MEFV: variants seen among roughly 807,000 people sequenced by gnomAD.
MEFV encodes the protein MEFV innate immunity regulator, pyrin.
MEFV carries 60 observed loss-of-function variants against 62.5 expected under a neutral mutation model. That is an observed-to-expected ratio of 0.96 (90% confidence interval 0.78 to 1.19). The LOEUF (loss-of-function observed/expected upper bound fraction) is 1.19. Ranked by LOEUF, MEFV falls within the 50% of genes most tolerant of loss-of-function variation. MEFV has a pLI of 0.00. For synonymous variants in MEFV, 500 were observed against 415.2 expected (o/e 1.20, Z -2.48); for missense variants, 1,169 against 1,004.5 (o/e 1.16, Z -2.21).
In MEFV at chr16:3,254,280, A is replaced by G; in HGVS notation, c.788T>C (p.Leu263Pro). ...APANPEILLT[L>P]EEKTAANLDS... ...CAGATTCGCAGCTGTCTTTTCCTCT[A>G]GAGTCAGGAGAATTTCTGGATTTGC... The change falls in exon 2 of 10, where the codon CTA (leucine) becomes CCA (proline). Residue 263 changes from leucine (L) to proline (P), a missense_variant. By Grantham distance (98) the Leu-to-Pro change is moderately conservative (BLOSUM62 -3). Transcript: ENST00000219596. The G allele has an allele frequency of 6.2e-7, 1 of 1,614,186 alleles. No individual in the cohort carries two copies. The highest frequency in any genetic ancestry group is 8.5e-7 in the Non-Finnish European group (1 of 1,180,032).
chr16:3,255,416 T>G (rs1959102833), intron 1 of MEFV, among the ~76,000 whole-genome samples: 1 of 152,130 alleles, frequency 6.6e-6, no homozygotes, highest in Non-Finnish European at 1.5e-5. Flanking sequence ...TCTCTCTTAT[T>G]TTATTTTTTG....
At chr16:3,244,154 G>GTTT in intron 8 of MEFV, 100 bp downstream of exon 8, 1 of 1,458,954 alleles carries the variant, frequency 6.9e-7, no homozygotes, top group Admixed American at 2.0e-5. Context: ...CAGGTGTTTG[G>GTTT]TTTTTTTTTT....
At chr16:3,245,276 G>A (rs1958923468) in intron 6 of MEFV, among the ~76,000 whole-genome samples, 1 of 148,564 alleles carries the variant, frequency 6.7e-6, no homozygotes, top group Non-Finnish European at 1.5e-5. Flanking sequence ...TGATGGGAGT[G>A]AGACCTTGTC....
In MEFV at chr16:3,243,150, C is replaced by T. The variant is rs104895153; in HGVS notation, c.2337G>A (p.Gly779=). The T allele has an allele frequency of 1.2e-6, 2 of 1,613,340 alleles. No individual in the cohort carries two copies. The highest frequency in any genetic ancestry group is 1.1e-5 in the South Asian group (1 of 91,050). The change falls in exon 10 of 10, where the codon GGG becomes GGA. Residue 779 remains glycine (G), a synonymous_variant. Transcript: ENST00000219596. ...ATGCAGTGTTGGGCATTCAGTCAGG[C>T]CCCTGACCACCCACTGGACAGATAG... ...PLTICPVGGQ[G]PD is the part of the protein sequence containing the mutation.
At chr16:3,255,334 A>G (rs1959101463) in intron 1 of MEFV, among the ~76,000 whole-genome samples, 2 of 152,102 alleles carry the variant, frequency 1.3e-5, no homozygotes, top group Admixed American at 1.3e-4. Context: ...AAAGTTCAGG[A>G]CTTCCTAGAC....
chr16:3,256,053 G>A lies in MEFV; in HGVS notation c.277+258C>T, dbSNP rs1470241154. On this transcript the variant is annotated intron_variant, in intron 1 of 9. Transcript: ENST00000219596. ...TGTAGTGAAGAAGTCTCAAAGAACA[G>A]GTGTTCCAGCTCCTGCCTTTCGTGA... Among the ~76,000 whole-genome samples, 4 of 152,290 alleles carry A rather than the reference G, an allele frequency of 2.6e-5. No individual in the cohort carries two copies. In the East Asian group the frequency reaches 7.7e-4, roughly 29 times the overall value.
chr16:3,249,575 C>G lies in MEFV; in HGVS notation c.1116G>C (p.Leu372=). 1 of 1,614,230 alleles carries G rather than the reference C, an allele frequency of 6.2e-7. No homozygotes were observed. Among genetic ancestry groups the G allele is most frequent in the Non-Finnish European group, 8.5e-7 (1 of 1,180,036 alleles). The change falls in exon 3 of 10, where the codon CTG becomes CTC. Residue 372 remains leucine (L), a synonymous_variant. Transcript: ENST00000219596. ...KSPGSLSPQP[L]PQCKRHLKQV... ...GCTTCAGGTGGCGCTTACACTGTGGCAGGGGCTGGGGGCTTAGGCTTCCCG... is the reference window on the plus strand; with the variant it reads ...GCTTCAGGTGGCGCTTACACTGTGGGAGGGGCTGGGGGCTTAGGCTTCCCG...
At chr16:3,251,324 C>A (rs1301319490) in intron 2 of MEFV, among the ~76,000 whole-genome samples, 2 of 152,164 alleles carry the variant, frequency 1.3e-5, no homozygotes. Context: ...TCACAAGCAG[C>A]TTCTAGAAAC....
At chr16:3,244,320 G>T (rs1167224209) in intron 7 of MEFV, 34 bp from the exon 8 acceptor site, 1 of 1,613,862 alleles carries the variant, frequency 6.2e-7, no homozygotes, top group Non-Finnish European at 8.5e-7. Context: ...AGAGAAGCTG[G>T]AGTTAGGTCC....
At position 3,256,426 on chromosome 16, in the gene MEFV, G is replaced by A. The variant is rs2141679534; in HGVS notation, c.162C>T (p.Ala54=). ...CCCCATAGTAGGTGACCAGCAGAGTGGCCATCTTCACCGGCCTGGCTCTCT... is the reference window on the plus strand; with the variant it reads ...CCCCATAGTAGGTGACCAGCAGAGTAGCCATCTTCACCGGCCTGGCTCTCT... ...QIQRARPVKM[A]TLLVTYYGEE... The change falls in exon 1 of 10, where the codon GCC becomes GCT. Residue 54 remains alanine (A), a synonymous_variant. Transcript: ENST00000219596. 1 of 1,614,186 alleles carries A rather than the reference G, an allele frequency of 6.2e-7. No individual in the cohort carries two copies.
chr16:3,251,620 GA>G (rs1959034009), intron 2 of MEFV, among the ~76,000 whole-genome samples: 4 of 152,178 alleles, frequency 2.6e-5, no homozygotes, highest in African/African-American at 9.7e-5. Flanking sequence ...AGATAGTTAG[GA>G]CTTTAGCCAA....
intron 6 of MEFV, 129 bp downstream of exon 6, chr16:3,246,396 A>T: frequency 1.9e-6 from 2 of 1,063,810 alleles, no homozygotes; most frequent in Non-Finnish European, 2.8e-6. Context: ...AAGCTGCAGA[A>T]AAAAGGAGGA....
chr16:3,254,359 T>C lies in MEFV; in HGVS notation c.709A>G (p.Lys237Glu), dbSNP rs756561346. 6.2e-7 allele frequency: 1 copy of C among 1,614,216 alleles called. No individual in the cohort carries two copies. The highest frequency in any genetic ancestry group is 8.5e-7 in the Non-Finnish European group (1 of 1,180,008). The stretch of plus-strand genomic sequence containing the variant: ...ACCTCAAGGCTTCTAGGTCGCATCT[T>C]TCCCGAGGGCAGGTACACTTCGAAG... Reference protein sequence around the residue: ...RPFEVYLPSGKMRPRSLEVTI... With the variant: ...RPFEVYLPSGEMRPRSLEVTI... The change falls in exon 2 of 10, where the codon AAG becomes GAG. Residue 237 changes from lysine to glutamate, a missense_variant. Coordinates refer to ENST00000219596, the MANE Select transcript of MEFV (RefSeq NM_000243.3).
In MEFV at chr16:3,248,956, C is replaced by A. The variant is rs1202888942; in HGVS notation, c.1309G>T (p.Gly437Trp). Residue 437 changes from glycine to tryptophan, a missense_variant, in exon 4 of 10, where the codon GGG becomes TGG. Transcript: ENST00000219596. ...TCCCCATAGGATCGCTGCTCCTCCC[C>A]TGATTTTCTCAGCTTCTTCAGATGC... The part of the protein sequence containing the change: ...LEHLKKLRKS[G>W]EEQRSYGEEK... 1 of 1,614,110 alleles carries A rather than the reference C, an allele frequency of 6.2e-7. No homozygotes were observed. Among genetic ancestry groups the A allele is most frequent in the Non-Finnish European group, 8.5e-7 (1 of 1,180,044 alleles).
intron 2 of MEFV, chr16:3,252,162 C>T (rs1472243806): frequency 5.4e-6 from 1 of 183,904 alleles, no homozygotes; most frequent in East Asian, 1.5e-4. Context: ...TTTTCCAGAT[C>T]CCAGGGTCCT....
chr16:3,243,658 T>C lies in MEFV; in HGVS notation c.1829A>G (p.Asn610Ser), dbSNP rs767728291. The change falls in exon 10 of 10, where the codon AAC becomes AGC. Residue 610 changes from asparagine (N) to serine (S), a missense_variant. Physicochemically the swap from Asn to Ser is conservative, Grantham distance 46. Coordinates refer to ENST00000219596, the MANE Select transcript of MEFV (RefSeq NM_000243.3). The stretch of plus-strand genomic sequence containing the variant: ...CTTCAGATCATCAGAGAAGATGAGG[T>C]TGGGGTAAGCGGTTTCTGCATCCAG... ...VILDAETAYPNLIFSDDLKSV... is the reference protein window; with the variant it reads ...VILDAETAYPSLIFSDDLKSV... 1.2e-6 allele frequency: 2 copies of C among 1,604,798 alleles called. No homozygotes were observed. The highest frequency in any genetic ancestry group is 1.7e-6 in the Non-Finnish European group (2 of 1,175,810).
At chr16:3,256,043 T>C (rs1040036759) in intron 1 of MEFV, among the ~76,000 whole-genome samples, 1 of 152,192 alleles carries the variant, frequency 6.6e-6, no homozygotes, top group Non-Finnish European at 1.5e-5. Flanking sequence ...TGAAGAAGTC[T>C]CAAAGAACAG....
rs114930858 is a variant in MEFV at position 3,242,951 on chromosome 16, C to T, written c.*190G>A. Reference sequence around the variant, plus strand: ...GGTGTGTCATCAGTACATGTCTTCACCCGGATTGACTAACATGTTCGTTCC... The same window carrying T: ...GGTGTGTCATCAGTACATGTCTTCATCCGGATTGACTAACATGTTCGTTCC... On this transcript the variant is annotated 3_prime_UTR_variant, in exon 10 of 10. Coordinates refer to ENST00000219596, the MANE Select transcript of MEFV (RefSeq NM_000243.3). 2.7e-5 allele frequency: 18 copies of T among 658,720 alleles called. No individual in the cohort carries two copies. The highest frequency in any genetic ancestry group is 4.3e-5 in the Non-Finnish European group (16 of 373,196). 40.8% of individuals were successfully genotyped at this position (658,720 alleles called of 1,614,324 possible). A position where few individuals can be genotyped will look rare whatever the true frequency, so the allele number is the denominator to read the frequency against.
Position 3,248,131 on chromosome 16 carries a change from C to A in MEFV, c.1356+778G>T, listed in dbSNP as rs183568578. Among the ~76,000 whole-genome samples the A allele has an allele frequency of 8.6e-3, 1,306 of 151,094 alleles. 12 individuals are homozygous for A. Among genetic ancestry groups the A allele is most frequent in the African/African-American group, 0.03 (1,213 of 41,042 alleles). On this transcript the variant is annotated intron_variant, in intron 4 of 9. Transcript: ENST00000219596. ...AAAATTAGCCAGGCGCGGTGGCAGG[C>A]GCCTGTAATTCCAGCCACTAAGGAG...
Sources: allele counts gnomAD v4.1 joint callset (sites outside exome capture counted in the v4.1 genomes callset), GRCh38; gene constraint gnomAD v4.1.1; transcripts MANE v1.5; gene names NCBI Gene and HGNC (gene_info 2026-07-23, HGNC 2026-07-21).